The following PDE4D variants were observed in gnomAD, a reference collection of about 807,000 sequenced individuals.
The protein encoded by PDE4D is phosphodiesterase 4D, also known as 3',5'-cyclic-AMP phosphodiesterase 4D.
In PDE4D, 24 loss-of-function variants were observed where a neutral mutation model predicts 87.4. The ratio of observed to expected loss-of-function variants is 0.27; its 90% confidence interval spans 0.20 to 0.39. The LOEUF (loss-of-function observed/expected upper bound fraction) is 0.39, where lower values mean the gene tolerates loss of function less well. Ranked by LOEUF, PDE4D falls within the 10% of genes least tolerant of loss-of-function variation. The pLI is 1.00. For missense variants in PDE4D, 714 were observed against 1,041.0 expected, an observed-to-expected ratio of 0.69 and a Z score of 4.32; for synonymous variants, 384 against 383.2, an observed-to-expected ratio of 1.00 and a Z score of -0.02.
chr5:58,981,450 AAAG>A (rs1745126435), intron 11 of PDE4D, among the ~76,000 whole-genome samples: 2 of 149,222 alleles, frequency 1.3e-5, no homozygotes, highest in East Asian at 3.9e-4. Flanking sequence ...ATACTAATAT[AAAG>A]TTAATACCTC....
chr5:60,392,142 G>A (rs981358627), intron 1 of PDE4D, among the ~76,000 whole-genome samples: 21 of 152,178 alleles, frequency 1.4e-4, no homozygotes, highest in African/African-American at 4.8e-4. Context: ...CACAGTGTAA[G>A]GAATCATTGT....
chr5:59,926,955 TA>T (rs1248011223), intron 3 of PDE4D, among the ~76,000 whole-genome samples: 2 of 152,128 alleles, frequency 1.3e-5, no homozygotes, highest in Non-Finnish European at 2.9e-5. Context: ...AAAGAAGTAA[TA>T]CCAATTTTCC....
At chr5:60,201,970 G>T (rs1351956963) in intron 1 of PDE4D, among the ~76,000 whole-genome samples, 1 of 152,062 alleles carries the variant, frequency 6.6e-6, no homozygotes, top group Non-Finnish European at 1.5e-5. Context: ...GGGAAAATAA[G>T]CCTTAAGACT....
chr5:60,462,426 AGGAATAGGTTGT>A (rs1324039925), intron 1 of PDE4D, among the ~76,000 whole-genome samples: 20 of 152,292 alleles, frequency 1.3e-4, no homozygotes, highest in Middle Eastern at 3.4e-3. Flanking sequence ...CAAGAAGAGA[AGGAATAGGTTGT>A]GGAATAGGGG....
intron 1 of PDE4D, among the ~76,000 whole-genome samples, chr5:59,607,492 G>A (rs1369776683): frequency 6.6e-6 from 1 of 151,984 alleles, no homozygotes; most frequent in Non-Finnish European, 1.5e-5. Context: ...CTTGCTCTGG[G>A]GTTTTCTTTT....
intron 3 of PDE4D, among the ~76,000 whole-genome samples, chr5:59,901,148 T>C (rs1752216941): frequency 6.6e-6 from 1 of 152,190 alleles, no homozygotes; most frequent in African/African-American, 2.4e-5. Context: ...TAAGGTCAGA[T>C]ACTTGCTGTT....
intron 5 of PDE4D, among the ~76,000 whole-genome samples, chr5:59,109,821 T>G (rs1772301502): frequency 6.6e-6 from 1 of 152,208 alleles, no homozygotes; most frequent in African/African-American, 2.4e-5. Context: ...TCCAAGAGAC[T>G]CCCAGGCTGG....
intron 1 of PDE4D, among the ~76,000 whole-genome samples, chr5:59,381,795 G>A (rs1386017741): frequency 6.6e-6 from 1 of 152,066 alleles, no homozygotes; most frequent in Non-Finnish European, 1.5e-5. Context: ...TTTCCAGGAA[G>A]TGGATCTATT....
At chr5:60,041,033 A>G (rs949463189) in intron 2 of PDE4D, among the ~76,000 whole-genome samples, 1 of 152,230 alleles carries the variant, frequency 6.6e-6, no homozygotes, top group Non-Finnish European at 1.5e-5. Context: ...TCACTGATTC[A>G]TATTAGTAAC....
At chr5:59,236,655 C>G (rs1339052280) in intron 1 of PDE4D, among the ~76,000 whole-genome samples, 2 of 152,132 alleles carry the variant, frequency 1.3e-5, no homozygotes, top group African/African-American at 4.8e-5. Context: ...AGAGCCAAAG[C>G]TGTCGTCACC....
chr5:59,492,213 A>T (rs1439806260), intron 1 of PDE4D, among the ~76,000 whole-genome samples: 1 of 152,138 alleles, frequency 6.6e-6, no homozygotes, highest in African/African-American at 2.4e-5. Flanking sequence ...GATCCTGAAC[A>T]TGGTTTGGTT....
intron 1 of PDE4D, among the ~76,000 whole-genome samples, chr5:59,407,844 G>A (rs1791964605): frequency 6.6e-6 from 1 of 152,164 alleles, no homozygotes; most frequent in South Asian, 2.1e-4. Context: ...AAGCAATTGA[G>A]ATGTGACCTG....
chr5:60,283,049 T>C (rs921732047), intron 1 of PDE4D, among the ~76,000 whole-genome samples: 12 of 152,294 alleles, frequency 7.9e-5, no homozygotes, highest in African/African-American at 2.9e-4. Context: ...TTTTCAAGTT[T>C]CTATATCTTT....
chr5:59,199,172 C>T (rs556450037), intron 2 of PDE4D, among the ~76,000 whole-genome samples: 10 of 152,242 alleles, frequency 6.6e-5, no homozygotes, highest in South Asian at 2.1e-4. Context: ...GAATATCACA[C>T]ATTGCAAATT....
At chr5:59,579,220 A>G (rs1251543845) in intron 1 of PDE4D, among the ~76,000 whole-genome samples, 3 of 152,198 alleles carry the variant, frequency 2.0e-5, no homozygotes, top group African/African-American at 7.2e-5. Context: ...GCTCCATACT[A>G]TACTGTAATT....
At chr5:60,125,223 T>C (rs1779028105) in intron 2 of PDE4D, among the ~76,000 whole-genome samples, 1 of 152,194 alleles carries the variant, frequency 6.6e-6, no homozygotes. Flanking sequence ...TCTTGATCTC[T>C]CCCTTTCCAT....
At chr5:59,602,209 A>G (rs1827608211) in intron 1 of PDE4D, among the ~76,000 whole-genome samples, 1 of 152,232 alleles carries the variant, frequency 6.6e-6, no homozygotes, top group African/African-American at 2.4e-5. Flanking sequence ...AGCACTTGAC[A>G]AAATTGAACA....
At chr5:60,415,189 G>A (rs1583676001) in intron 1 of PDE4D, among the ~76,000 whole-genome samples, 1 of 152,244 alleles carries the variant, frequency 6.6e-6, no homozygotes, top group Non-Finnish European at 1.5e-5. Context: ...ATCAGGCTAT[G>A]AGACAAGTTC....
intron 1 of PDE4D, among the ~76,000 whole-genome samples, chr5:59,656,582 C>T (rs1278362951): frequency 2.0e-5 from 3 of 152,182 alleles, no homozygotes; most frequent in Non-Finnish European, 4.4e-5. Context: ...AAATCTAAAC[C>T]ACAGGCAGGA....
Sources: allele counts gnomAD v4.1 joint callset (sites outside exome capture counted in the v4.1 genomes callset), GRCh38; gene constraint gnomAD v4.1.1; transcripts MANE v1.5; gene names NCBI Gene and HGNC (gene_info 2026-07-23, HGNC 2026-07-21).